Variants in EVI5 observed in about 807,000 individuals in gnomAD.
EVI5 encodes ecotropic viral integration site 5.
EVI5 carries 73 observed loss-of-function variants against 112.0 expected under a neutral mutation model. The observed-to-expected ratio is 0.65, with a 90% CI of 0.54 to 0.79. EVI5 has a LOEUF of 0.79. EVI5 is among the 30% of genes least tolerant of loss of function. The pLI is 0.00. For missense variants in EVI5, 900 were observed against 968.8 expected, an observed-to-expected ratio of 0.93 and a Z score of 0.94; for synonymous variants, 305 against 319.9, an observed-to-expected ratio of 0.95 and a Z score of 0.50.
chr1:92,685,372 GT>G (rs1211162530), intron 9 of EVI5, among the ~76,000 whole-genome samples: 1 of 151,856 alleles, frequency 6.6e-6, no homozygotes, highest in Non-Finnish European at 1.5e-5. Context: ...CAAACACAAT[GT>G]ACCAGAATCT....
chr1:92,748,094 G>A (rs923672910), intron 1 of EVI5, among the ~76,000 whole-genome samples: 1 of 152,060 alleles, frequency 6.6e-6, no homozygotes, highest in African/African-American at 2.4e-5. Context: ...TCTGTAACAC[G>A]GCCACATTTC....
chr1:92,555,407 T>C (rs1458031467), intron 19 of EVI5, among the ~76,000 whole-genome samples: 1 of 152,224 alleles, frequency 6.6e-6, no homozygotes, highest in Non-Finnish European at 1.5e-5. Flanking sequence ...TTAATTCTTA[T>C]TTCTGTTTCT....
intron 19 of EVI5, among the ~76,000 whole-genome samples, chr1:92,549,975 T>C (rs1210215947): frequency 2.6e-5 from 4 of 152,118 alleles, no homozygotes; most frequent in Non-Finnish European, 5.9e-5. Context: ...GAAATACCAT[T>C]TGACCCAGCC....
At chr1:92,523,838 C>G (rs1661371224) in intron 19 of EVI5, among the ~76,000 whole-genome samples, 1 of 152,100 alleles carries the variant, frequency 6.6e-6, no homozygotes. Context: ...GTAATCCCAG[C>G]ACTTTGGGAG....
At chr1:92,561,214 C>G (rs1045985927) in intron 19 of EVI5, among the ~76,000 whole-genome samples, 1 of 152,028 alleles carries the variant, frequency 6.6e-6, no homozygotes, top group African/African-American at 2.4e-5. Context: ...TATTATATTT[C>G]TACAGTTTTT....
chr1:92,743,113 G>A (rs561754326), intron 1 of EVI5, among the ~76,000 whole-genome samples: 3 of 152,246 alleles, frequency 2.0e-5, no homozygotes, highest in Admixed American at 2.0e-4. Flanking sequence ...AGCACTTTGG[G>A]AGGCTGAGGT....
intron 10 of EVI5, among the ~76,000 whole-genome samples, chr1:92,671,787 G>A (rs527636705): frequency 6.8e-6 from 1 of 147,150 alleles, no homozygotes; most frequent in Non-Finnish European, 1.5e-5. Context: ...TCTTACCTCA[G>A]TCCAAGCCAC....
chr1:92,528,762 A>G (rs891324408), intron 19 of EVI5, among the ~76,000 whole-genome samples: 2 of 152,216 alleles, frequency 1.3e-5, no homozygotes, highest in African/African-American at 4.8e-5. Context: ...TCATGTTAGA[A>G]GTCAGGAAAA....
At chr1:92,743,529 AG>A (rs1365447823) in intron 1 of EVI5, among the ~76,000 whole-genome samples, 4 of 152,152 alleles carry the variant, frequency 2.6e-5, no homozygotes, top group Non-Finnish European at 5.9e-5. Flanking sequence ...AAGAGGAAAT[AG>A]GGAGTTATTG....
chr1:92,550,811 TATAA>T (rs1200605623), intron 19 of EVI5, among the ~76,000 whole-genome samples: 8 of 94,576 alleles, frequency 8.5e-5, no homozygotes, highest in African/African-American at 3.6e-4. Flanking sequence ...TATATATATA[TATAA>T]CAAAAAAAAC....
At chr1:92,570,099 G>A (rs1670102110) in intron 18 of EVI5, among the ~76,000 whole-genome samples, 1 of 151,386 alleles carries the variant, frequency 6.6e-6, no homozygotes, top group Non-Finnish European at 1.5e-5. Flanking sequence ...AGAAATAAGG[G>A]GAAAAAAAAC....
intron 9 of EVI5, among the ~76,000 whole-genome samples, chr1:92,684,970 C>G (rs910434188): frequency 1.3e-5 from 2 of 151,788 alleles, no homozygotes; most frequent in African/African-American, 4.8e-5. Context: ...ACTTTAACAC[C>G]CCACTGTCAA....
chr1:92,629,730 T>C (rs1211775176), intron 14 of EVI5, among the ~76,000 whole-genome samples: 1 of 152,098 alleles, frequency 6.6e-6, no homozygotes, highest in Non-Finnish European at 1.5e-5. Context: ...GTTTGTTAAA[T>C]ATACATACAT....
At chr1:92,617,557 C>T (rs1653488138) in intron 16 of EVI5, among the ~76,000 whole-genome samples, 1 of 152,154 alleles carries the variant, frequency 6.6e-6, no homozygotes, top group Admixed American at 6.5e-5. Context: ...CCAATAAGCC[C>T]ATGAACAAAG....
At chr1:92,696,935 G>C (rs1670422623) in intron 6 of EVI5, among the ~76,000 whole-genome samples, 1 of 152,116 alleles carries the variant, frequency 6.6e-6, no homozygotes, top group South Asian at 2.1e-4. Context: ...AGCTACTTGG[G>C]AGACTGAGGC....
chr1:92,553,780 C>T (rs1285854605), intron 19 of EVI5, among the ~76,000 whole-genome samples: 1 of 152,180 alleles, frequency 6.6e-6, no homozygotes, highest in Non-Finnish European at 1.5e-5. Flanking sequence ...GTATGTTATA[C>T]ATTCTTTTAA....
At chr1:92,654,054 G>A (rs908886377) in intron 13 of EVI5, among the ~76,000 whole-genome samples, 2 of 151,862 alleles carry the variant, frequency 1.3e-5, no homozygotes, top group African/African-American at 2.4e-5. Flanking sequence ...GCTCATCATT[G>A]GGGAATCCAA....
chr1:92,728,225 AAGAC>A (rs1407775064), intron 2 of EVI5, among the ~76,000 whole-genome samples: 1 of 152,124 alleles, frequency 6.6e-6, no homozygotes, highest in Non-Finnish European at 1.5e-5. Context: ...AATTACATGA[AAGAC>A]AGAATTTAAA....
chr1:92,663,519 A>G, intron 11 of EVI5, 67 bp from the exon 12 acceptor site: 1 of 761,028 alleles, frequency 1.3e-6, no homozygotes, highest in Non-Finnish European at 2.0e-6. Flanking sequence ...TTAGGAAAAA[A>G]GAAACAAATA....
Sources: allele counts gnomAD v4.1 joint callset (sites outside exome capture counted in the v4.1 genomes callset), GRCh38; gene constraint gnomAD v4.1.1; transcripts MANE v1.5; gene names NCBI Gene and HGNC (gene_info 2026-07-23, HGNC 2026-07-21).